Variants in TSC2 observed in about 807,000 individuals in gnomAD.
TSC2 encodes tuberin.
Under a neutral mutation model 202.2 loss-of-function variants are expected in TSC2, and 29 were observed. The observed-to-expected ratio is 0.14, with a 90% confidence interval of 0.11 to 0.20. The LOEUF (loss-of-function observed/expected upper bound fraction) is 0.20, where lower values mean the gene tolerates loss of function less well. TSC2 is among the 10% of genes least tolerant of loss of function. TSC2 has a pLI of 1.00. For synonymous variants in TSC2, 1,349 were observed against 1,044.0 expected, an observed-to-expected ratio of 1.29 and a Z score of -5.63; for missense variants, 2,429 against 2,420.0, an observed-to-expected ratio of 1.00 and a Z score of -0.08.
At chr16:2,048,310 C>G (rs982681256) in intron 1 of TSC2, 1 of 1,040,972 alleles carries the variant, frequency 9.6e-7, no homozygotes, top group Non-Finnish European at 1.5e-6. Context: ...GCTCCCAGGA[C>G]TTCGCGGCGG....
chr16:2,064,497 C>T (rs1474307123), intron 15 of TSC2, 70 bp downstream of exon 15: 10 of 1,606,182 alleles, frequency 6.2e-6, no homozygotes, highest in Non-Finnish European at 8.5e-6. Context: ...GGCCTCTGGG[C>T]CCTCTGTCCT....
At chr16:2,074,607 C>T (rs1024529975) in intron 22 of TSC2, 15 of 620,528 alleles carry the variant, frequency 2.4e-5, no homozygotes, top group Non-Finnish European at 4.3e-5. Context: ...CATGTGAACG[C>T]TCCTCCTTGA....
chr16:2,057,189 TG>T lies in TSC2; in HGVS notation c.848+14del. ...CCTCATGGAGGACAGGTGAGTGTGG[TG>T]GGTGGGGCGCAGGGCAGTGGAGGCC... is the stretch of plus-strand genomic sequence containing the variant. On this transcript the variant is annotated intron_variant, in intron 9 of 41. Transcript: ENST00000219476. The T allele has an allele frequency of 6.4e-7, 1 of 1,551,506 alleles. No individual in the cohort carries two copies. Among genetic ancestry groups the T allele is most frequent in the Non-Finnish European group, 8.7e-7 (1 of 1,146,948 alleles).
intron 39 of TSC2, 27 bp downstream of exon 39, chr16:2,087,968 C>G: frequency 6.2e-7 from 1 of 1,605,096 alleles, no homozygotes; most frequent in South Asian, 1.1e-5. Flanking sequence ...CCCTGCAGTG[C>G]AGGAAAGGTA....
intron 25 of TSC2, 60 bp from the exon 26 acceptor site, chr16:2,077,538 T>C: frequency 1.2e-6 from 2 of 1,610,120 alleles, no homozygotes; most frequent in Non-Finnish European, 1.7e-6. Flanking sequence ...CACTGGCTTG[T>C]TCTCCCCTTC....
chr16:2,074,624 C>T (rs927384076), intron 22 of TSC2: 1 of 593,306 alleles, frequency 1.7e-6, no homozygotes, highest in South Asian at 1.9e-5. Context: ...TTGAAGAAGC[C>T]TCTTCCCCCC....
chr16:2,062,335 A>C (rs2086740825), intron 12 of TSC2, among the ~76,000 whole-genome samples, 162 bp from the exon 13 acceptor site: 1 of 152,234 alleles, frequency 6.6e-6, no homozygotes, highest in Non-Finnish European at 1.5e-5. Context: ...TTTGGACACA[A>C]GTCTTCCCCG....
chr16:2,087,200 G>A (rs2090926069), intron 38 of TSC2: 1 of 432,728 alleles, frequency 2.3e-6, no homozygotes, highest in Non-Finnish European at 4.4e-6. Flanking sequence ...GCAGCTGTCA[G>A]GCTGCTCAGT....
In TSC2 at chr16:2,056,667, C is replaced by T. The variant is rs138897064; in HGVS notation, c.672C>T (p.Ala224=). Residue 224 remains alanine (A), a synonymous_variant, in exon 8 of 42, where the codon GCC becomes GCT. Transcript: ENST00000219476. ...DIEVSLQVLD[A]VVCYNCLPAE... ...AGGTCTCCCTGCAGGTGCTGGACGCCGTGGTCTGCTACAACTGCCTGCCGG... is the reference window on the plus strand; with the variant it reads ...AGGTCTCCCTGCAGGTGCTGGACGCTGTGGTCTGCTACAACTGCCTGCCGG... 1.7e-5 allele frequency: 27 copies of T among 1,611,814 alleles called. No individual in the cohort carries two copies. Among genetic ancestry groups the T allele is most frequent in the Middle Eastern group, 1.6e-4 (1 of 6,078 alleles).
intron 26 of TSC2, 82 bp from the exon 27 acceptor site, chr16:2,078,950 C>T (rs1299241209): frequency 4.0e-5 from 64 of 1,583,376 alleles, no homozygotes; most frequent in African/African-American, 1.1e-4. Flanking sequence ...GCCGTGCATG[C>T]GTTGAGCTTT....
In TSC2 at chr16:2,088,045, C is replaced by T. The variant is rs2091085832; in HGVS notation, c.5069-3C>T. ...GCCTGGCGTGACCACCAAGTCTCCC[C>T]AGACATGGAGGGCCTTGTGGACACC... On this transcript the variant is annotated splice_region_variant and splice_polypyrimidine_tract_variant and intron_variant, in intron 39 of 41. Coordinates refer to ENST00000219476, the MANE Select transcript of TSC2 (RefSeq NM_000548.5). 2 of 1,612,306 alleles carry T rather than the reference C, an allele frequency of 1.2e-6. No homozygotes were observed. The highest frequency in any genetic ancestry group is 1.7e-6 in the Non-Finnish European group (2 of 1,179,910).
chr16:2,065,590 G>A lies in TSC2; in HGVS notation c.1671G>A (p.Leu557=), dbSNP rs761975891. The part of the protein sequence containing the change: ...ERDVAAYSAS[L]EDVKTAVLGL... ...ATGTGGCCGCATACTCGGCCTCCTT[G>A]GAGGATGTGAAGACAGCCGTCCTGG... The change falls in exon 16 of 42, where the codon TTG becomes TTA. Residue 557 remains leucine (L), a synonymous_variant. Transcript: ENST00000219476. The A allele has an allele frequency of 1.5e-5, 25 of 1,613,852 alleles. No homozygotes were observed. Among genetic ancestry groups the A allele is most frequent in the South Asian group, 2.2e-5 (2 of 91,086 alleles).
rs139060277 is a variant in TSC2 at position 2,056,705 on chromosome 16, C to T, written c.710C>T (p.Pro237Leu). The T allele has an allele frequency of 3.7e-5, 60 of 1,612,500 alleles. No individual in the cohort carries two copies. The highest frequency in any genetic ancestry group is 1.6e-4 in the East Asian group (7 of 44,898). The part of the protein sequence containing the change: ...CYNCLPAESL[P>L]LFIVTLCRTI... Reference sequence around the variant, plus strand: ...AACTGCCTGCCGGCTGAGAGCCTCCCGCTGTTCATCGTTACCCTCTGTCGC... The same window carrying T: ...AACTGCCTGCCGGCTGAGAGCCTCCTGCTGTTCATCGTTACCCTCTGTCGC... The change falls in exon 8 of 42, where the codon CCG becomes CTG. Residue 237 changes from proline (P) to leucine (L), a missense_variant. Transcript: ENST00000219476.
At chr16:2,068,080 C>G (rs1939539407) in intron 16 of TSC2, among the ~76,000 whole-genome samples, 1 of 152,174 alleles carries the variant, frequency 6.6e-6, no homozygotes, top group African/African-American at 2.4e-5. Flanking sequence ...CACTATGTCA[C>G]CCAGGCTGGA....
Position 2,080,238 on chromosome 16 carries a change from A to G in TSC2, c.3471A>G (p.Gly1157=), listed in dbSNP as rs1192862238. Residue 1157 remains glycine, a synonymous_variant, in exon 30 of 42, where the codon GGA becomes GGG. Coordinates refer to ENST00000219476, the MANE Select transcript of TSC2 (RefSeq NM_000548.5). ...SQFLGSATSP[G]PRTAPAAKPE... ...TCCTGGGCAGTGCCACTTCTCCAGG[A>G]CCACGGACTGCACCAGCCGCGAAAC... The G allele has an allele frequency of 6.2e-7, 1 of 1,612,924 alleles. No individual in the cohort carries two copies. Among genetic ancestry groups the G allele is most frequent in the African/African-American group, 1.3e-5 (1 of 75,062 alleles).
intron 21 of TSC2, among the ~76,000 whole-genome samples, chr16:2,073,549 C>T (rs1436090870): frequency 6.6e-6 from 1 of 152,264 alleles, no homozygotes; most frequent in East Asian, 1.9e-4. Flanking sequence ...CCATCTGTGC[C>T]CCGGGCCTCA....
rs1362354022 is a variant in TSC2 at position 2,080,939 on chromosome 16, C to T, written c.3610+562C>T. 4.7e-5 allele frequency: 8 copies of T among 171,154 alleles called. No individual in the cohort carries two copies. In the East Asian group the frequency reaches 9.4e-4, roughly 20 times the overall value. The allele number at this position is 171,154 out of a possible 1,614,324, so 10.6% of individuals were successfully genotyped here. A position where few individuals can be genotyped will look rare whatever the true frequency, so the allele number is the denominator to read the frequency against. On this transcript the variant is annotated intron_variant, in intron 30 of 41. Coordinates refer to ENST00000219476, the MANE Select transcript of TSC2 (RefSeq NM_000548.5). ...GCAAGTCCGAGACCAAGGTGCTCCT[C>T]GGCAGGAGGTGCTCCTCAGAGGCCT...
In TSC2 at chr16:2,050,460, G is replaced by A. The variant is rs774506901; in HGVS notation, c.199G>A (p.Val67Ile). The A allele has an allele frequency of 1.2e-6, 2 of 1,613,980 alleles. No individual in the cohort carries two copies. Among genetic ancestry groups the A allele is most frequent in the South Asian group, 2.2e-5 (2 of 91,088 alleles). ...CCGGATGATAGGGCAGATTTGTGAA[G>A]TCGCAAAAACCAAGAAATTTGAAGA... Reference protein sequence around the residue: ...RIRMIGQICEVAKTKKFEEHA... With the variant: ...RIRMIGQICEIAKTKKFEEHA... Residue 67 changes from valine (V) to isoleucine (I), a missense_variant, in exon 3 of 42, where the codon GTC becomes ATC. Val to Ile is a conservative substitution (Grantham distance 29, BLOSUM62 3). Coordinates refer to ENST00000219476, the MANE Select transcript of TSC2 (RefSeq NM_000548.5).
At chr16:2,050,571 A>T in intron 3 of TSC2, 85 bp downstream of exon 3, 1 of 1,078,058 alleles carries the variant, frequency 9.3e-7, no homozygotes, top group Non-Finnish European at 1.4e-6. Flanking sequence ...CATGGTTGAC[A>T]GCTGACTGCC....
Sources: allele counts gnomAD v4.1 joint callset (sites outside exome capture counted in the v4.1 genomes callset), GRCh38; gene constraint gnomAD v4.1.1; transcripts MANE v1.5; gene names NCBI Gene and HGNC (gene_info 2026-07-23, HGNC 2026-07-21).